SERPINB6: variants seen among roughly 807,000 people sequenced by gnomAD.
The protein encoded by SERPINB6 is serpin B6.
SERPINB6 carries 16 observed loss-of-function variants against 26.1 expected under a neutral mutation model. That is an observed-to-expected ratio of 0.61 (90% CI 0.42 to 0.93). SERPINB6 has a LOEUF of 0.93. Among genes scored for constraint, SERPINB6 ranks in the 40% least tolerant of loss-of-function variants. The probability of loss-of-function intolerance (pLI) is 0.00; values close to 1 mark genes in which losing one functional copy is unlikely to be tolerated. For missense variants in SERPINB6, 420 were observed against 478.0 expected, an observed-to-expected ratio of 0.88 and a Z score of 1.13; for synonymous variants, 174 against 176.6, an observed-to-expected ratio of 0.99 and a Z score of 0.11.
At chr6:2,963,899 A>G (rs1771375331) in intron 1 of SERPINB6, 2 of 152,346 alleles carry the variant, frequency 1.3e-5, no homozygotes, top group South Asian at 4.1e-4. Context: ...CTGTGCTAAC[A>G]TGATGTTCCC....
At chr6:2,951,167 C>T (rs1228110876) in intron 5 of SERPINB6, among the ~76,000 whole-genome samples, 3 of 152,140 alleles carry the variant, frequency 2.0e-5, no homozygotes, top group African/African-American at 4.8e-5. Context: ...AGGTGGATCA[C>T]CTGAGGTCAG....
At chr6:2,968,819 G>A (rs894338672) in intron 1 of SERPINB6, 1 of 1,231,436 alleles carries the variant, frequency 8.1e-7, no homozygotes, top group African/African-American at 1.6e-5. Context: ...CATGTCAGCT[G>A]GGAGCTTCAC....
At chr6:2,959,071 C>T in intron 2 of SERPINB6, 97 bp downstream of exon 2, 1 of 1,508,640 alleles carries the variant, frequency 6.6e-7, no homozygotes, top group Non-Finnish European at 9.2e-7. Context: ...TGCAATACTG[C>T]ACAGTCATCC....
At chr6:2,951,023 C>T (rs541581496) in intron 5 of SERPINB6, among the ~76,000 whole-genome samples, 3 of 152,312 alleles carry the variant, frequency 2.0e-5, no homozygotes, top group South Asian at 2.1e-4. Context: ...AACTATTTTC[C>T]GGTTTGTGGC....
chr6:2,954,885 T>C, intron 3 of SERPINB6, 176 bp from the exon 4 acceptor site: 2 of 609,792 alleles, frequency 3.3e-6, no homozygotes, highest in South Asian at 1.9e-5. Flanking sequence ...CTATATTTAA[T>C]CCTAGCTTAA....
At chr6:2,952,424 T>G (rs1331446917) in intron 5 of SERPINB6, among the ~76,000 whole-genome samples, 2 of 152,224 alleles carry the variant, frequency 1.3e-5, no homozygotes, top group Admixed American at 1.3e-4. Flanking sequence ...TAAAGAAGAT[T>G]CAGTGAGAGG....
intron 1 of SERPINB6, chr6:2,963,774 A>C (rs1029775109): frequency 3.3e-5 from 5 of 152,290 alleles, no homozygotes; most frequent in Non-Finnish European, 7.3e-5. Context: ...AAGGGAGTTA[A>C]GCCTGATGCC....
intron 5 of SERPINB6, among the ~76,000 whole-genome samples, chr6:2,951,333 C>G (rs1047369861): frequency 1.3e-5 from 2 of 150,556 alleles, no homozygotes; most frequent in Non-Finnish European, 2.9e-5. Context: ...CTGCAGTGTT[C>G]CGAGATGGCA....
intron 1 of SERPINB6, among the ~76,000 whole-genome samples, chr6:2,962,523 C>A (rs1308433817): frequency 2.0e-5 from 3 of 152,194 alleles, no homozygotes; most frequent in African/African-American, 7.2e-5. Flanking sequence ...ACCAGATAAT[C>A]TGGGTTCCCT....
At chr6:2,949,953 G>T (rs1769590531) in intron 5 of SERPINB6, among the ~76,000 whole-genome samples, 1 of 152,136 alleles carries the variant, frequency 6.6e-6, no homozygotes, top group African/African-American at 2.4e-5. Flanking sequence ...CCAGAACCTG[G>T]AGAGTGAACT....
intron 1 of SERPINB6, among the ~76,000 whole-genome samples, chr6:2,965,983 A>G (rs1771606225): frequency 6.6e-6 from 1 of 152,244 alleles, no homozygotes; most frequent in African/African-American, 2.4e-5. Flanking sequence ...CTGAGATTTT[A>G]TAAGGCCTCA....
intron 5 of SERPINB6, among the ~76,000 whole-genome samples, chr6:2,952,336 A>T (rs1274585102): frequency 6.6e-6 from 1 of 152,246 alleles, no homozygotes; most frequent in African/African-American, 2.4e-5. Flanking sequence ...TCAAGAATAC[A>T]CTGTAATTAA....
At chr6:2,968,528 C>G in intron 1 of SERPINB6, 2 of 1,156,028 alleles carry the variant, frequency 1.7e-6, no homozygotes, top group Non-Finnish European at 2.1e-6. Flanking sequence ...CTCATTTACA[C>G]TTTTCATCAT....
intron 3 of SERPINB6, chr6:2,955,098 G>A (rs1013028590): frequency 7.2e-6 from 2 of 277,380 alleles, no homozygotes; most frequent in Non-Finnish European, 1.4e-5. Context: ...GCTGAGGCAG[G>A]AGAATCACTT....
rs1329989490 is a variant in SERPINB6, at chr6:2,954,639, T to C, written c.383A>G (p.Glu128Gly). The change falls in exon 4 of 7, where the codon GAG (glutamate) becomes GGG (glycine). Residue 128 changes from glutamate (E) to glycine (G), a missense_variant. Coordinates refer to ENST00000380539, the MANE Select transcript of SERPINB6 (RefSeq NM_004568.6). ...MEELDFISAVEKSRKHINTWV... is the reference protein window; with the variant it reads ...MEELDFISAVGKSRKHINTWV... ...GGTGTTTATGTGTTTTCTGGACTTC[T>C]CTACGGCGCTGATAAAGTCAAGCTC... is the stretch of plus-strand genomic sequence containing the variant. 6.2e-7 allele frequency: 1 copy of C among 1,614,144 alleles called. No homozygotes were observed. Among genetic ancestry groups the C allele is most frequent in the Non-Finnish European group, 8.5e-7 (1 of 1,180,030 alleles).
intron 3 of SERPINB6, chr6:2,955,068 TAATCCCAGCTA>T: frequency 6.9e-6 from 2 of 290,160 alleles, no homozygotes; most frequent in South Asian, 7.2e-5. Flanking sequence ...CATGCACCTG[TAATCCCAGCTA>T]CTTGGGAGGC....
At chr6:2,953,276 G>A in intron 4 of SERPINB6, 90 bp from the exon 5 acceptor site, 4 of 1,551,590 alleles carry the variant, frequency 2.6e-6, no homozygotes, top group Non-Finnish European at 3.5e-6. Context: ...TCCTTCAGCA[G>A]TCAAGTGCAC....
intron 1 of SERPINB6, chr6:2,969,279 C>A: frequency 1.0e-6 from 1 of 985,484 alleles, no homozygotes; most frequent in Non-Finnish European, 1.2e-6. Context: ...AAACTCAAGA[C>A]CTGTCAATGG....
chr6:2,952,202 A>G (rs1426532555), intron 5 of SERPINB6, among the ~76,000 whole-genome samples: 1 of 152,262 alleles, frequency 6.6e-6, no homozygotes, highest in Non-Finnish European at 1.5e-5. Flanking sequence ...TTCATTTCAG[A>G]ATAAAGCTTC....
Sources: gnomAD v4.1 joint callset for allele counts (sites outside exome capture counted in the v4.1 genomes callset) on GRCh38, gnomAD v4.1.1 for gene constraint, MANE v1.5 for transcripts, NCBI Gene and HGNC (gene_info 2026-07-23, HGNC 2026-07-21) for gene names.